B3GALT1: variants seen among roughly 807,000 people sequenced by gnomAD.
B3GALT1 encodes the protein beta-1,3-galactosyltransferase 1.
B3GALT1 carries 10 observed loss-of-function variants against 23.2 expected under a neutral mutation model. The ratio of observed to expected loss-of-function variants is 0.43; its 90% CI spans 0.27 to 0.73. The LOEUF (loss-of-function observed/expected upper bound fraction) is 0.73, where lower values mean the gene tolerates loss of function less well. Among genes scored for constraint, B3GALT1 ranks in the 30% least tolerant of loss-of-function variants. The pLI, the probability that B3GALT1 is intolerant of heterozygous loss-of-function variation, is 0.21. For missense variants in B3GALT1, 299 were observed against 405.4 expected, an observed-to-expected ratio of 0.74 and a Z score of 2.25; for synonymous variants, 156 against 141.5, an observed-to-expected ratio of 1.10 and a Z score of -0.73.
chr2:167,868,915 C>G lies in B3GALT1; in HGVS notation c.-125C>G, dbSNP rs138429728. ...AGCCACTGAGGCCCATGGACAATCT[C>G]CACCTCACGCTTCTCTATCAAACTT... On this transcript the variant is annotated 5_prime_UTR_variant, in exon 5 of 5. Coordinates refer to ENST00000392690, the MANE Select transcript of B3GALT1 (RefSeq NM_020981.4). 3.3e-4 allele frequency: 386 copies of G among 1,178,698 alleles called. 1 individual carries two copies. Among genetic ancestry groups the G allele is most frequent in the Middle Eastern group, 3.1e-3 (14 of 4,572 alleles). The allele number at this position is 1,178,698 out of a possible 1,614,324, so 73.0% of individuals were successfully genotyped here.
At chr2:167,418,774 C>T (rs1413267777) in intron 1 of B3GALT1, among the ~76,000 whole-genome samples, 1 of 151,798 alleles carries the variant, frequency 6.6e-6, no homozygotes, top group African/African-American at 2.4e-5. Context: ...TAACCTCAGG[C>T]AGTCCGCCTG....
chr2:167,594,239 G>T (rs979052960), intron 2 of B3GALT1, among the ~76,000 whole-genome samples: 3 of 152,118 alleles, frequency 2.0e-5, no homozygotes, highest in African/African-American at 7.2e-5. Context: ...TTTGGGGGTG[G>T]CATTAGACAA....
intron 3 of B3GALT1, among the ~76,000 whole-genome samples, chr2:167,813,346 TTC>T (rs765778396): frequency 6.6e-6 from 1 of 152,310 alleles, no homozygotes; most frequent in East Asian, 1.9e-4. Context: ...AGTCCTCACT[TTC>T]TGTCTTCTTT....
rs1343122801 is a variant in B3GALT1, at chr2:167,377,978, TA to T, written c.-511+84648del. 3.3e-5 allele frequency among the ~76,000 whole-genome samples: 5 copies of T among 152,306 alleles called. No individual in the cohort carries two copies. In the East Asian group the frequency reaches 7.7e-4, roughly 23 times the overall value. On this transcript the variant is annotated intron_variant, in intron 1 of 4. Coordinates refer to ENST00000392690, the MANE Select transcript of B3GALT1 (RefSeq NM_020981.4). ...GGTATTGTTCTTTGGTTTCCATGTT[TA>T]AAACTCCCTTAGGCATCCCTTGTAA...
chr2:167,871,457 C>A lies in B3GALT1; in HGVS notation c.*1437C>A, dbSNP rs550485234. 1 of 152,248 alleles carries A rather than the reference C, an allele frequency of 6.6e-6. No homozygotes were observed. Among genetic ancestry groups the A allele is most frequent in the African/African-American group, 2.4e-5 (1 of 41,540 alleles). The allele number at this position is 152,248 out of a possible 1,614,324, so 9.4% of individuals were successfully genotyped here. Reference sequence around the variant, plus strand: ...AGATCAGCTGTGAACTATCACTGCACCTAATTCTACCAAGGCTTGACTTTT... The same window carrying A: ...AGATCAGCTGTGAACTATCACTGCAACTAATTCTACCAAGGCTTGACTTTT... On this transcript the variant is annotated 3_prime_UTR_variant, in exon 5 of 5. Coordinates refer to ENST00000392690, the MANE Select transcript of B3GALT1 (RefSeq NM_020981.4).
chr2:167,847,678 G>C (rs1304434279), intron 4 of B3GALT1, among the ~76,000 whole-genome samples: 4 of 152,024 alleles, frequency 2.6e-5, no homozygotes, highest in Admixed American at 2.0e-4. Context: ...ACACCTCAAG[G>C]AACTAGAGAA....
chr2:167,678,697 A>G (rs1266357624), intron 3 of B3GALT1, among the ~76,000 whole-genome samples: 2 of 152,206 alleles, frequency 1.3e-5, no homozygotes, highest in Admixed American at 1.3e-4. Context: ...TTACCTTCTT[A>G]TAAACTGATA....
rs549279145 is a variant in B3GALT1, at chr2:167,350,253, T to G, written c.-511+56919T>G. Among the ~76,000 whole-genome samples, 22 of 152,332 alleles carry G rather than the reference T, an allele frequency of 1.4e-4. No homozygotes were observed. The South Asian group carries it at 3.9e-3, about 27-fold the overall frequency. ...TTGTAAATCTCCTTGAAGTACAGTTTGTTCATCATTTGAAGATGAAGATAA... is the reference window on the plus strand; with the variant it reads ...TTGTAAATCTCCTTGAAGTACAGTTGGTTCATCATTTGAAGATGAAGATAA... On this transcript the variant is annotated intron_variant, in intron 1 of 4. Transcript: ENST00000392690.
At chr2:167,644,289 A>T (rs1438650251) in intron 2 of B3GALT1, among the ~76,000 whole-genome samples, 1 of 152,138 alleles carries the variant, frequency 6.6e-6, no homozygotes, top group Non-Finnish European at 1.5e-5. Flanking sequence ...AGAGAAGGCA[A>T]GTTCTTACCA....
At chr2:167,738,306 T>G (rs1687523334) in intron 3 of B3GALT1, among the ~76,000 whole-genome samples, 1 of 152,198 alleles carries the variant, frequency 6.6e-6, no homozygotes, top group African/African-American at 2.4e-5. Context: ...GGAATCTTTC[T>G]TGGTTAAATG....
chr2:167,601,086 A>G lies in B3GALT1; in HGVS notation c.-409-45823A>G, dbSNP rs556122925. On this transcript the variant is annotated intron_variant, in intron 2 of 4. Transcript: ENST00000392690. ...TTGTTTGTTTGTTTGTTTGAGAAGG[A>G]GTCTAGCTCTGTTGCCAGACTGGAG... Among the ~76,000 whole-genome samples the G allele has an allele frequency of 2.6e-5, 4 of 152,212 alleles. No homozygotes were observed. In the East Asian group the frequency reaches 7.7e-4, roughly 29 times the overall value.
At chr2:167,317,075 C>T (rs778333829) in intron 1 of B3GALT1, among the ~76,000 whole-genome samples, 2 of 151,958 alleles carry the variant, frequency 1.3e-5, no homozygotes, top group African/African-American at 2.4e-5. Flanking sequence ...GGTGGATATC[C>T]TAGGTTGAGA....
intron 3 of B3GALT1, among the ~76,000 whole-genome samples, chr2:167,763,004 G>T (rs1427067700): frequency 6.6e-6 from 1 of 152,090 alleles, no homozygotes; most frequent in Non-Finnish European, 1.5e-5. Context: ...TCATCAGCCA[G>T]GTAGGAAAAG....
At chr2:167,526,512 G>A (rs1683222813) in intron 2 of B3GALT1, among the ~76,000 whole-genome samples, 1 of 152,230 alleles carries the variant, frequency 6.6e-6, no homozygotes, top group Non-Finnish European at 1.5e-5. Context: ...TAGAAGTTGA[G>A]ATATACATGT....
intron 1 of B3GALT1, among the ~76,000 whole-genome samples, chr2:167,335,182 C>G (rs967762884): frequency 6.7e-6 from 1 of 148,288 alleles, no homozygotes; most frequent in African/African-American, 2.5e-5. Flanking sequence ...AAAACTTTCT[C>G]AAAAGAAAAA....
intron 3 of B3GALT1, among the ~76,000 whole-genome samples, chr2:167,774,151 A>G (rs1688118707): frequency 6.6e-6 from 1 of 152,200 alleles, no homozygotes. Flanking sequence ...CAAAAAAGTA[A>G]TTTCTATTTT....
intron 1 of B3GALT1, among the ~76,000 whole-genome samples, chr2:167,360,806 T>C (rs1559074959): frequency 6.6e-6 from 1 of 152,134 alleles, no homozygotes; most frequent in Non-Finnish European, 1.5e-5. Flanking sequence ...TACTAGAACA[T>C]ATTCCTTCTA....
At chr2:167,538,121 C>A (rs745710497) in intron 2 of B3GALT1, among the ~76,000 whole-genome samples, 3 of 152,066 alleles carry the variant, frequency 2.0e-5, no homozygotes, top group Non-Finnish European at 4.4e-5. Context: ...CCGTGCTTGG[C>A]CCTGGATCCT....
chr2:167,817,598 G>T lies in B3GALT1; in HGVS notation c.-351-1074G>T, dbSNP rs1689020303. 2.0e-5 allele frequency among the ~76,000 whole-genome samples: 3 copies of T among 152,146 alleles called. No individual in the cohort carries two copies. The South Asian group carries it at 6.2e-4, about 32-fold the overall frequency. On this transcript the variant is annotated intron_variant, in intron 3 of 4. Transcript: ENST00000392690. Reference sequence around the variant, plus strand: ...TTAACAGAAACTGGAACCAGCAAATGGATCCACTGGAATCCACTTGTGCCT... The same window carrying T: ...TTAACAGAAACTGGAACCAGCAAATTGATCCACTGGAATCCACTTGTGCCT...
Sources: allele counts gnomAD v4.1 joint callset (sites outside exome capture counted in the v4.1 genomes callset), GRCh38; gene constraint gnomAD v4.1.1; transcripts MANE v1.5; gene names NCBI Gene and HGNC (gene_info 2026-07-23, HGNC 2026-07-21).